DCC: variants seen among roughly 807,000 people sequenced by gnomAD.
DCC encodes netrin receptor DCC.
In DCC, 58 loss-of-function variants were observed where a neutral mutation model predicts 172.5. That is an observed-to-expected ratio of 0.34 (90% CI 0.27 to 0.42). The LOEUF (loss-of-function observed/expected upper bound fraction) is 0.42. Ranked by LOEUF, DCC falls within the 10% of genes least tolerant of loss-of-function variation. The pLI is 1.00. For missense variants in DCC, 1,740 were observed against 1,791.0 expected (o/e 0.97, Z 0.51); for synonymous variants, 709 against 644.5 (o/e 1.10, Z -1.52).
chr18:52,425,320 T>C (rs974458568), intron 1 of DCC, among the ~76,000 whole-genome samples: 2 of 152,178 alleles, frequency 1.3e-5, no homozygotes, highest in African/African-American at 4.8e-5. Context: ...CATCCTCAGA[T>C]AGATCCCTGA....
intron 2 of DCC, among the ~76,000 whole-genome samples, chr18:52,811,565 T>C (rs911405862): frequency 6.6e-6 from 1 of 151,914 alleles, no homozygotes; most frequent in African/African-American, 2.4e-5. Context: ...AAAATTTTCA[T>C]ACATTAAATT....
chr18:52,940,492 C>T (rs778190955), intron 5 of DCC, among the ~76,000 whole-genome samples: 7 of 152,136 alleles, frequency 4.6e-5, no homozygotes, highest in South Asian at 2.1e-4. Context: ...ATTCTATTTA[C>T]GCTGATTGGT....
At chr18:52,493,955 C>T (rs1230056519) in intron 1 of DCC, among the ~76,000 whole-genome samples, 3 of 152,166 alleles carry the variant, frequency 2.0e-5, no homozygotes, top group South Asian at 4.1e-4. Flanking sequence ...ATCATTCCAT[C>T]TGGCATTTTC....
At chr18:52,773,510 A>ATCTATCTATCTATC (rs2037376384) in intron 2 of DCC, among the ~76,000 whole-genome samples, 1 of 77,046 alleles carries the variant, frequency 1.3e-5, no homozygotes, top group African/African-American at 3.2e-5. Context: ...CTATATATCT[A>ATCTATCTATCTATC]TATCTATCTA....
At chr18:52,857,929 A>G (rs1568149739) in intron 2 of DCC, among the ~76,000 whole-genome samples, 1 of 152,200 alleles carries the variant, frequency 6.6e-6, no homozygotes, top group Non-Finnish European at 1.5e-5. Flanking sequence ...TTTTCAAAAG[A>G]AGAAAAATCA....
At chr18:52,931,692 A>G (rs1345631522) in intron 5 of DCC, 1 of 152,142 alleles carries the variant, frequency 6.6e-6, no homozygotes, top group Non-Finnish European at 1.5e-5. Context: ...ATTAGACAAG[A>G]TTAATGACAA....
intron 1 of DCC, among the ~76,000 whole-genome samples, chr18:52,388,152 G>T (rs1985890528): frequency 1.3e-5 from 2 of 151,972 alleles, no homozygotes; most frequent in African/African-American, 4.8e-5. Context: ...CTCAGTCTTA[G>T]TTCTGTCACC....
Position 52,925,246 on chromosome 18 carries a change from T to C in DCC, c.861T>C (p.Tyr287=), listed in dbSNP as rs772322583. ...EEVIQLRSKK[Y]SLLGGSNLLI... ...CTATGTCTTGCAGGTCTAAAAAGTA[T>C]TCTTTATTGGGTGGAAGCAACTTGC... The change falls in exon 5 of 29, where the codon TAT becomes TAC. Residue 287 remains tyrosine (Y), a synonymous_variant. Coordinates refer to ENST00000442544, the MANE Select transcript of DCC (RefSeq NM_005215.4). 6.2e-7 allele frequency: 1 copy of C among 1,612,386 alleles called. No homozygotes were observed. The highest frequency in any genetic ancestry group is 8.5e-7 in the Non-Finnish European group (1 of 1,178,698).
At chr18:52,574,255 G>A (rs1452378240) in intron 1 of DCC, among the ~76,000 whole-genome samples, 1 of 152,074 alleles carries the variant, frequency 6.6e-6, no homozygotes, top group Admixed American at 6.5e-5. Flanking sequence ...TTGTTATTTT[G>A]GCTAACCATT....
At chr18:53,439,142 T>G (rs1021640157) in intron 22 of DCC, among the ~76,000 whole-genome samples, 1 of 152,228 alleles carries the variant, frequency 6.6e-6, no homozygotes, top group African/African-American at 2.4e-5. Context: ...CTTTATCTGC[T>G]TCCTATTCTA....
chr18:52,424,087 T>C (rs1598807383), intron 1 of DCC, among the ~76,000 whole-genome samples: 2 of 152,152 alleles, frequency 1.3e-5, no homozygotes, highest in South Asian at 4.1e-4. Flanking sequence ...AACTTCTATG[T>C]GTATGAAAAT....
intron 5 of DCC, among the ~76,000 whole-genome samples, chr18:52,980,949 T>TTC (rs2041199706): frequency 6.6e-6 from 1 of 151,614 alleles, no homozygotes; most frequent in African/African-American, 2.4e-5. Flanking sequence ...CTGCTATTTT[T>TTC]TTTTTTTTTT....
chr18:52,828,694 A>G (rs16955620), intron 2 of DCC, among the ~76,000 whole-genome samples: 37,929 of 152,056 alleles, frequency 0.25, 4,919 homozygotes, highest in South Asian at 0.3. Flanking sequence ...CAGAGGAGTT[A>G]TAATTATTTA....
chr18:52,867,515 T>G (rs1197992377), intron 2 of DCC, among the ~76,000 whole-genome samples: 1 of 152,034 alleles, frequency 6.6e-6, no homozygotes, highest in Non-Finnish European at 1.5e-5. Context: ...GTCTTGGGTT[T>G]TTTTTTTTGG....
chr18:52,355,234 A>T (rs1984307417), intron 1 of DCC, among the ~76,000 whole-genome samples: 1 of 152,070 alleles, frequency 6.6e-6, no homozygotes, highest in Non-Finnish European at 1.5e-5. Flanking sequence ...TAGAATGAAA[A>T]GCACAAAACT....
chr18:53,450,488 G>A lies in DCC; in HGVS notation c.3230-12G>A, dbSNP rs2045395211. 2 of 1,613,594 alleles carry A rather than the reference G, an allele frequency of 1.2e-6. No homozygotes were observed. Among genetic ancestry groups the A allele is most frequent in the Non-Finnish European group, 8.5e-7 (1 of 1,179,906 alleles). On this transcript the variant is annotated splice_polypyrimidine_tract_variant and intron_variant, in intron 22 of 28. Transcript: ENST00000442544. The stretch of plus-strand genomic sequence containing the variant: ...TCCTAAACCTGAACTCCATTTTCCT[G>A]TCTTTTCCCAGAGCCGCCAATTGGA...
At chr18:53,474,263 G>A (rs2045734642) in intron 25 of DCC, among the ~76,000 whole-genome samples, 1 of 152,050 alleles carries the variant, frequency 6.6e-6, no homozygotes, top group South Asian at 2.1e-4. Context: ...ATATAGTGGA[G>A]TACAATGCAG....
rs766642029 is a variant in DCC at position 53,368,753 on chromosome 18, C to T, written c.2360-17290C>T. 3.9e-5 allele frequency among the ~76,000 whole-genome samples: 6 copies of T among 151,946 alleles called. No homozygotes were observed. The South Asian group carries it at 6.2e-4, about 16-fold the overall frequency. On this transcript the variant is annotated intron_variant, in intron 15 of 28. Coordinates refer to ENST00000442544, the MANE Select transcript of DCC (RefSeq NM_005215.4). ...TTGTCAACATTATTTGACTGTATAT[C>T]GCAAGGGTTTATTTCTGGGTTCCCT...
intron 2 of DCC, among the ~76,000 whole-genome samples, chr18:52,843,006 G>A (rs73469539): frequency 0.014 from 2,129 of 152,240 alleles, 40 homozygotes; most frequent in African/African-American, 0.045. Context: ...ATTTCCCAGT[G>A]GGAATGTCAA....
Sources: gnomAD v4.1 joint callset for allele counts (sites outside exome capture counted in the v4.1 genomes callset) on GRCh38, gnomAD v4.1.1 for gene constraint, MANE v1.5 for transcripts, NCBI Gene and HGNC (gene_info 2026-07-23, HGNC 2026-07-21) for gene names.